DHRSX: variants seen among roughly 807,000 people sequenced by gnomAD.
The protein encoded by DHRSX is dehydrogenase/reductase X-linked.
Under a neutral mutation model 34.0 loss-of-function variants are expected in DHRSX, and 31 were observed. The ratio of observed to expected loss-of-function variants is 0.91; its 90% CI spans 0.69 to 1.23. DHRSX has a LOEUF of 1.23. Among genes scored for constraint, DHRSX ranks in the 50% most tolerant of loss-of-function variants. DHRSX has a pLI of 0.00. For synonymous variants in DHRSX, 201 were observed against 183.8 expected, an observed-to-expected ratio of 1.09 and a Z score of -0.76; for missense variants, 414 against 428.1, an observed-to-expected ratio of 0.97 and a Z score of 0.29.
chrX:2,354,587 G>A (rs2042826374), intron 3 of DHRSX, among the ~76,000 whole-genome samples: 1 of 151,950 alleles, frequency 6.6e-6, no homozygotes, highest in Admixed American at 6.6e-5. Flanking sequence ...TCAGCCTCCC[G>A]AATAGCTGGG....
intron 3 of DHRSX, among the ~76,000 whole-genome samples, chrX:2,343,227 G>C (rs779201694): frequency 6.6e-6 from 1 of 152,284 alleles, no homozygotes; most frequent in South Asian, 2.1e-4. Flanking sequence ...AATGTGCTTA[G>C]TCTATAAGAG....
chrX:2,398,699 T>C (rs1193450243), intron 3 of DHRSX, among the ~76,000 whole-genome samples: 4 of 143,680 alleles, frequency 2.8e-5, no homozygotes, highest in Non-Finnish European at 6.0e-5. Flanking sequence ...AGATGGACTC[T>C]CGCTGTGTCA....
chrX:2,227,724 G>T (rs867575838), intron 6 of DHRSX, among the ~76,000 whole-genome samples: 1 of 3,958 alleles, frequency 2.5e-4, no homozygotes, highest in Non-Finnish European at 4.6e-4. Context: ...GGAAGGATGG[G>T]AGGGAGGGAG....
chrX:2,455,254 G>C (rs750014385), intron 1 of DHRSX, among the ~76,000 whole-genome samples: 1 of 151,940 alleles, frequency 6.6e-6, no homozygotes, highest in African/African-American at 2.4e-5. Context: ...TTGGGTACCC[G>C]TGGATATAAA....
At position 2,425,304 on chromosome X, in the gene DHRSX, A is replaced by C. The variant is rs776958395; in HGVS notation, c.110T>G (p.Val37Gly). The C allele has an allele frequency of 1.9e-6, 3 of 1,610,352 alleles. No homozygotes were observed. Among genetic ancestry groups the C allele is most frequent in the Non-Finnish European group, 2.5e-6 (3 of 1,177,414 alleles). Residue 37 changes from valine to glycine, a missense_variant and splice_region_variant, in exon 2 of 7, where the codon GTT becomes GGT. Coordinates refer to ENST00000334651, the MANE Select transcript of DHRSX (RefSeq NM_145177.3). ...GACACGGTCAGGTCGTGGGGGGAAA[A>C]CTGAAAAAGAAGAAGAGAAAATCAT... The part of the protein sequence containing the change: ...RRCRGGFLEP[V>G]FPPRPDRVAI...
intron 6 of DHRSX, among the ~76,000 whole-genome samples, chrX:2,222,364 T>C (rs2015539892): frequency 1.3e-5 from 2 of 152,242 alleles, no homozygotes; most frequent in African/African-American, 2.4e-5. Context: ...AATGACATGG[T>C]TGGTGTTTCT....
At chrX:2,244,306 T>C (rs2016227980) in intron 5 of DHRSX, among the ~76,000 whole-genome samples, 4 of 151,814 alleles carry the variant, frequency 2.6e-5, no homozygotes, top group Admixed American at 1.3e-4. Context: ...AACGTGCCTC[T>C]CTCTCTCTCT....
chrX:2,468,980 A>C (rs944007751), intron 1 of DHRSX, among the ~76,000 whole-genome samples: 3 of 152,000 alleles, frequency 2.0e-5, no homozygotes, highest in Non-Finnish European at 4.4e-5. Context: ...CACACTGAAG[A>C]CGTTCCCTAA....
rs574582243 is a variant in DHRSX at position 2,373,529 on chromosome X, G to A, written c.286+35216C>T. On this transcript the variant is annotated intron_variant, in intron 3 of 6. Transcript: ENST00000334651. ...CCCCAGCTCTAATGCTTTCCAAGCA[G>A]GATAACCCTCTACATCCCATGGAAA... Among the ~76,000 whole-genome samples, 156 of 152,230 alleles carry A rather than the reference G, an allele frequency of 1.0e-3. 4 individuals are homozygous for A. In the South Asian group the frequency reaches 0.031, roughly 30 times the overall value.
At chrX:2,373,571 G>A (rs182069298) in intron 3 of DHRSX, among the ~76,000 whole-genome samples, 5 of 152,262 alleles carry the variant, frequency 3.3e-5, no homozygotes, top group Admixed American at 3.3e-4. Flanking sequence ...CTGCTGCAAG[G>A]AAGAGCTGAG....
At chrX:2,481,735 C>T (rs2044774822) in intron 1 of DHRSX, among the ~76,000 whole-genome samples, 1 of 151,894 alleles carries the variant, frequency 6.6e-6, no homozygotes, top group South Asian at 2.1e-4. Flanking sequence ...CACACGAGGT[C>T]GTCTCACAAA....
intron 5 of DHRSX, among the ~76,000 whole-genome samples, chrX:2,246,368 A>G (rs2016282034): frequency 6.6e-6 from 1 of 152,128 alleles, no homozygotes; most frequent in Non-Finnish European, 1.5e-5. Context: ...TCATGCCTGT[A>G]ATCCCAGCGC....
At chrX:2,489,952 G>T (rs141687518) in intron 1 of DHRSX, 7 of 1,613,782 alleles carry the variant, frequency 4.3e-6, no homozygotes, top group Non-Finnish European at 5.9e-6. Flanking sequence ...TGCCCCACTC[G>T]ATGAAGACCT....
At chrX:2,354,788 A>T (rs996788340) in intron 3 of DHRSX, among the ~76,000 whole-genome samples, 9 of 152,138 alleles carry the variant, frequency 5.9e-5, no homozygotes, top group Admixed American at 5.2e-4. Flanking sequence ...GCAGCTGAAG[A>T]ACTGAACGGA....
At position 2,294,803 on chromosome X, in the gene DHRSX, GA is replaced by G. The variant is rs2041912292; in HGVS notation, c.287-3201del. 4.8e-5 allele frequency among the ~76,000 whole-genome samples: 6 copies of G among 124,138 alleles called. No homozygotes were observed. The South Asian group carries it at 1.0e-3, about 21-fold the overall frequency. 81.4% of individuals were successfully genotyped at this position (124,138 alleles called of 152,430 possible). A position where few individuals can be genotyped will look rare whatever the true frequency, so the allele number is the denominator to read the frequency against. ...GAGAGGAAAAAGAGAGGGAGAGAGAGAGAGGAAAAAGAGAGGGAGAGAGAGA... is the reference window on the plus strand; with the variant it reads ...GAGAGGAAAAAGAGAGGGAGAGAGAGGAGGAAAAAGAGAGGGAGAGAGAGA... On this transcript the variant is annotated intron_variant, in intron 3 of 6. Transcript: ENST00000334651.
intron 3 of DHRSX, among the ~76,000 whole-genome samples, chrX:2,356,279 G>A (rs1340841134): frequency 6.6e-6 from 1 of 152,106 alleles, no homozygotes; most frequent in African/African-American, 2.4e-5. Flanking sequence ...CGAGGCTGAG[G>A]CAGGAGAATT....
intron 2 of DHRSX, among the ~76,000 whole-genome samples, chrX:2,420,117 A>T (rs1451281165): frequency 6.6e-6 from 1 of 152,172 alleles, no homozygotes; most frequent in African/African-American, 2.4e-5. Context: ...CCAGTCTATT[A>T]AGAGAATGAG....
At chrX:2,463,828 G>A (rs2044437863) in intron 1 of DHRSX, among the ~76,000 whole-genome samples, 1 of 152,164 alleles carries the variant, frequency 6.6e-6, no homozygotes, top group African/African-American at 2.4e-5. Context: ...CTTACAGGGT[G>A]AAAAGGACAC....
Position 2,466,944 on chromosome X carries a change from A to C in DHRSX, c.109+33873T>G, listed in dbSNP as rs1457976569. Among the ~76,000 whole-genome samples, 5 of 151,930 alleles carry C rather than the reference A, an allele frequency of 3.3e-5. No individual in the cohort carries two copies. In the East Asian group the frequency reaches 9.7e-4, roughly 29 times the overall value. ...GCAGGGCATGGTAGCGCACACCTAT[A>C]ATCCTAGCTACCTGACAGGCTGAGG... On this transcript the variant is annotated intron_variant, in intron 1 of 6. Transcript: ENST00000334651.
Sources: gnomAD v4.1 joint callset for allele counts (sites outside exome capture counted in the v4.1 genomes callset) on GRCh38, gnomAD v4.1.1 for gene constraint, MANE v1.5 for transcripts, NCBI Gene and HGNC (gene_info 2026-07-23, HGNC 2026-07-21) for gene names.